Variants in ANKRD33B observed in about 807,000 individuals in gnomAD.
ANKRD33B encodes the protein ankyrin repeat domain-containing protein 33B.
ANKRD33B carries 6 observed loss-of-function variants against 21.5 expected under a neutral mutation model. The observed-to-expected ratio is 0.28, with a 90% CI of 0.15 to 0.55. ANKRD33B has a LOEUF of 0.55. ANKRD33B is among the 20% of genes least tolerant of loss of function. ANKRD33B has a pLI of 0.94. For missense variants in ANKRD33B, 698 were observed against 747.2 expected (o/e 0.93, Z 0.77); for synonymous variants, 347 against 342.4 (o/e 1.01, Z -0.15).
intron 1 of ANKRD33B, among the ~76,000 whole-genome samples, chr5:10,594,356 T>G (rs1008741307): frequency 1.3e-5 from 2 of 151,826 alleles, no homozygotes; most frequent in Non-Finnish European, 2.9e-5. Context: ...GAGCTGGGAT[T>G]ACAGGCATGC....
At position 10,619,451 on chromosome 5, in the gene ANKRD33B, C is replaced by A; in HGVS notation, c.496+989C>A. 2.1e-6 allele frequency: 2 copies of A among 935,856 alleles called. No individual in the cohort carries two copies. The highest frequency in any genetic ancestry group is 1.3e-6 in the Non-Finnish European group (1 of 784,752). The allele number at this position is 935,856 out of a possible 1,614,324, so 58.0% of individuals were successfully genotyped here. A position where few individuals can be genotyped will look rare whatever the true frequency, so the allele number is the denominator to read the frequency against. ...GACCTCCTTGTCCCTTGTTGCTTCA[C>A]AAGCTCCTGGACCAAAGCCACCCTG... On this transcript the variant is annotated intron_variant, in intron 2 of 3. Coordinates refer to ENST00000296657, the MANE Select transcript of ANKRD33B (RefSeq NM_001164440.2). This position sits in a 1 kb window ranked among gnomAD's most constrained non-coding sequence, Gnocchi z 4.5.
intron 3 of ANKRD33B, among the ~76,000 whole-genome samples, chr5:10,644,580 G>A (rs886970147): frequency 1.3e-5 from 2 of 152,208 alleles, no homozygotes; most frequent in African/African-American, 2.4e-5. Flanking sequence ...AAAGGACGGC[G>A]AGGAACAGAG....
chr5:10,605,552 G>T lies in ANKRD33B; in HGVS notation c.367-12781G>T, dbSNP rs1202367411. ...CTTCTTCCTTTTTTTTTTTGAGGTG[G>T]AGTTTTGTTGTTGTTGCCCAGGCTG... On this transcript the variant is annotated intron_variant, in intron 1 of 3. Coordinates refer to ENST00000296657, the MANE Select transcript of ANKRD33B (RefSeq NM_001164440.2). Among the ~76,000 whole-genome samples, 4 of 151,058 alleles carry T rather than the reference G, an allele frequency of 2.6e-5. 1 individual carries two copies. Among genetic ancestry groups the T allele is most frequent in the African/African-American group, 4.9e-5 (2 of 41,126 alleles).
At chr5:10,573,000 T>C (rs183190204) in intron 1 of ANKRD33B, among the ~76,000 whole-genome samples, 24 of 152,338 alleles carry the variant, frequency 1.6e-4, no homozygotes, top group Admixed American at 9.8e-4. Flanking sequence ...ACGTCGTTAT[T>C]TCTCTGTTTC....
chr5:10,606,461 C>T (rs1393587343), intron 1 of ANKRD33B, among the ~76,000 whole-genome samples: 1 of 152,098 alleles, frequency 6.6e-6, no homozygotes, highest in Non-Finnish European at 1.5e-5. Context: ...ATTGGCCTGG[C>T]ACAGTAGCTC....
Position 10,619,322 on chromosome 5 carries a change from G to A in ANKRD33B, c.496+860G>A. The A allele has an allele frequency of 2.0e-6, 2 of 985,444 alleles. No individual in the cohort carries two copies. Among genetic ancestry groups the A allele is most frequent in the Non-Finnish European group, 2.4e-6 (2 of 829,936 alleles). The allele number at this position is 985,444 out of a possible 1,614,324, so 61.0% of individuals were successfully genotyped here. A position where few individuals can be genotyped will look rare whatever the true frequency, so the allele number is the denominator to read the frequency against. ...GAGGGGAAGCTTACACGGTTGTCGGGTTGTTGAGAATCCCACTCAGGGCCT... is the reference window on the plus strand; with the variant it reads ...GAGGGGAAGCTTACACGGTTGTCGGATTGTTGAGAATCCCACTCAGGGCCT... On this transcript the variant is annotated intron_variant, in intron 2 of 3. Coordinates refer to ENST00000296657, the MANE Select transcript of ANKRD33B (RefSeq NM_001164440.2). The surrounding 1 kb of genome is among the most constrained non-coding windows in gnomAD (Gnocchi z 4.5).
chr5:10,611,195 A>T (rs542650421), intron 1 of ANKRD33B, among the ~76,000 whole-genome samples: 2 of 152,228 alleles, frequency 1.3e-5, no homozygotes, highest in Non-Finnish European at 2.9e-5. Flanking sequence ...AGGCATTTCA[A>T]CTTTTTCTGT....
intron 1 of ANKRD33B, among the ~76,000 whole-genome samples, chr5:10,578,527 T>A (rs1199312628): frequency 6.6e-6 from 1 of 152,126 alleles, no homozygotes; most frequent in Non-Finnish European, 1.5e-5. Flanking sequence ...ACAGGACAGA[T>A]AGATCTTCTT....
chr5:10,598,546 C>T (rs1398297674), intron 1 of ANKRD33B, among the ~76,000 whole-genome samples: 5 of 152,132 alleles, frequency 3.3e-5, no homozygotes, highest in East Asian at 1.9e-4. Context: ...GGATTATAGG[C>T]GTGAGTCACT....
At position 10,619,288 on chromosome 5, in the gene ANKRD33B, TGAAG is replaced by T; in HGVS notation, c.496+833_496+836del. ...CCAGGAAGAACAGGCGCTTGTGTGT[TGAAG>T]GAAGGAGGGGAAGCTTACACGGTTG... is the stretch of plus-strand genomic sequence containing the variant. On this transcript the variant is annotated intron_variant, in intron 2 of 3. Coordinates refer to ENST00000296657, the MANE Select transcript of ANKRD33B (RefSeq NM_001164440.2). The surrounding 1 kb of genome is among the most constrained non-coding windows in gnomAD (Gnocchi z 4.5). 3 of 985,300 alleles carry T rather than the reference TGAAG, an allele frequency of 3.0e-6. No individual in the cohort carries two copies. The highest frequency in any genetic ancestry group is 3.6e-6 in the Non-Finnish European group (3 of 829,880). The allele number at this position is 985,300 out of a possible 1,614,324, so 61.0% of individuals were successfully genotyped here.
chr5:10,622,988 T>C (rs1736457172), intron 2 of ANKRD33B, among the ~76,000 whole-genome samples: 1 of 152,012 alleles, frequency 6.6e-6, no homozygotes, highest in Non-Finnish European at 1.5e-5. Context: ...GCCTGGGGCG[T>C]GGTGGGAAGA....
In ANKRD33B at chr5:10,650,133, T is replaced by TGGGGCC. The variant is rs1169848902; in HGVS notation, c.*26_*31dup. ...ACGTGAGGGCCCGTGTGCCTGGCGCTGGGGCCGGGGCTGGGGCCGGGGCGG... is the reference window on the plus strand; with the variant it reads ...ACGTGAGGGCCCGTGTGCCTGGCGCTGGGGCCGGGGCCGGGGCTGGGGCCGGGGCGG... On this transcript the variant is annotated 3_prime_UTR_variant, in exon 4 of 4. Coordinates refer to ENST00000296657, the MANE Select transcript of ANKRD33B (RefSeq NM_001164440.2). The TGGGGCC allele has an allele frequency of 1.1e-5, 16 of 1,447,762 alleles. No homozygotes were observed. Among genetic ancestry groups the TGGGGCC allele is most frequent in the South Asian group, 3.9e-5 (3 of 76,238 alleles). The allele number at this position is 1,447,762 out of a possible 1,614,324, so 89.7% of individuals were successfully genotyped here.
In ANKRD33B at chr5:10,596,906, GA is replaced by G. The variant is rs201717935; in HGVS notation, c.367-21418del. Among the ~76,000 whole-genome samples, 994 of 151,456 alleles carry G rather than the reference GA, an allele frequency of 6.6e-3. 9 individuals are homozygous for G. Among genetic ancestry groups the G allele is most frequent in the African/African-American group, 0.023 (933 of 41,328 alleles). On this transcript the variant is annotated intron_variant, in intron 1 of 3. Transcript: ENST00000296657. ...GGGGACAATATTCAACATTCTTAAA[GA>G]AAAAAAAATTCCAACTCAGTTTCAT...
Position 10,655,574 on chromosome 5 carries a change from G to C in ANKRD33B, c.*5461G>C, listed in dbSNP as rs545486712. ...TTCCCCAGGTGCGCCGGAGACGCAG[G>C]CTTGCTCATTTCCGTCCTGACACAG... On this transcript the variant is annotated 3_prime_UTR_variant, in exon 4 of 4. Transcript: ENST00000296657. The C allele has an allele frequency of 6.6e-6, 1 of 152,440 alleles. No homozygotes were observed. Among genetic ancestry groups the C allele is most frequent in the Non-Finnish European group, 1.5e-5 (1 of 68,110 alleles). The allele number at this position is 152,440 out of a possible 1,614,324, so 9.4% of individuals were successfully genotyped here.
At chr5:10,644,766 TAGCC>T (rs931759469) in intron 3 of ANKRD33B, among the ~76,000 whole-genome samples, 21 of 152,212 alleles carry the variant, frequency 1.4e-4, no homozygotes, top group Admixed American at 1.4e-3. Context: ...TTGAAGTCAT[TAGCC>T]AGAGAAAGGA....
At chr5:10,580,807 C>T (rs1253044074) in intron 1 of ANKRD33B, among the ~76,000 whole-genome samples, 1 of 152,088 alleles carries the variant, frequency 6.6e-6, no homozygotes, top group Non-Finnish European at 1.5e-5. Flanking sequence ...TTTCAGTGGC[C>T]TCCTCCCACT....
At chr5:10,592,481 G>A (rs1735717518) in intron 1 of ANKRD33B, among the ~76,000 whole-genome samples, 1 of 145,096 alleles carries the variant, frequency 6.9e-6, no homozygotes, top group East Asian at 2.0e-4. Flanking sequence ...AAAAAAATTA[G>A]GTGGACGTGG....
At chr5:10,635,634 G>A (rs991235670) in intron 2 of ANKRD33B, among the ~76,000 whole-genome samples, 3 of 152,206 alleles carry the variant, frequency 2.0e-5, no homozygotes, top group Admixed American at 1.3e-4. Context: ...GGTCAATGGC[G>A]AGCTTGCTCC....
intron 1 of ANKRD33B, among the ~76,000 whole-genome samples, chr5:10,592,442 A>C (rs1251962649): frequency 8.7e-6 from 1 of 114,564 alleles, no homozygotes; most frequent in Non-Finnish European, 1.8e-5. Flanking sequence ...GTGAAACCCC[A>C]TCTCTACTAA....
Sources: allele counts gnomAD v4.1 joint callset (sites outside exome capture counted in the v4.1 genomes callset), GRCh38; gene constraint gnomAD v4.1.1; non-coding constraint Gnocchi (gnomAD v3.1); transcripts MANE v1.5; gene names NCBI Gene and HGNC (gene_info 2026-07-23, HGNC 2026-07-21).